Variants in PKD2L2 observed in about 807,000 individuals in gnomAD.
The protein encoded by PKD2L2 is polycystin 2 like 2, transient receptor potential cation channel.
Under a neutral mutation model 83.9 loss-of-function variants are expected in PKD2L2, and 67 were observed. That is an observed-to-expected ratio of 0.80 (90% CI 0.66 to 0.98). The LOEUF is 0.98. PKD2L2 is among the 50% of genes least tolerant of loss of function. The probability of loss-of-function intolerance (pLI) is 0.00; values close to 1 mark genes in which losing one functional copy is unlikely to be tolerated. For synonymous variants in PKD2L2, 223 were observed against 237.8 expected (o/e 0.94, Z 0.57); for missense variants, 632 against 717.2 (o/e 0.88, Z 1.36).
chr5:137,925,697 C>T (rs1247852497), intron 11 of PKD2L2, among the ~76,000 whole-genome samples, 178 bp from the exon 12 acceptor site: 1 of 152,112 alleles, frequency 6.6e-6, no homozygotes, highest in Non-Finnish European at 1.5e-5. Flanking sequence ...ACATTTTTTT[C>T]ACAGTTAATG....
chr5:137,932,000 T>C (rs775454092), intron 12 of PKD2L2, among the ~76,000 whole-genome samples: 4 of 152,066 alleles, frequency 2.6e-5, no homozygotes, highest in Non-Finnish European at 5.9e-5. Context: ...AGCAACAAAG[T>C]AGAAAATGCC....
chr5:137,933,027 A>T (rs1760003791), intron 12 of PKD2L2, among the ~76,000 whole-genome samples: 2 of 148,146 alleles, frequency 1.4e-5, no homozygotes, highest in East Asian at 4.0e-4. Context: ...GCCAATAGAA[A>T]CAGAACAAAA....
chr5:137,916,051 A>C (rs1228132537), intron 8 of PKD2L2, among the ~76,000 whole-genome samples: 2 of 147,566 alleles, frequency 1.4e-5, no homozygotes, highest in African/African-American at 2.5e-5. Context: ...TCTTTTTTTT[A>C]AGAGATGGAG....
intron 14 of PKD2L2, chr5:137,939,778 T>C: frequency 2.8e-6 from 3 of 1,067,478 alleles, no homozygotes; most frequent in Non-Finnish European, 3.5e-6. Flanking sequence ...TTTATAGGCT[T>C]TTCTTTCAAA....
chr5:137,920,201 C>A (rs1362468395), intron 8 of PKD2L2, among the ~76,000 whole-genome samples: 1 of 151,968 alleles, frequency 6.6e-6, no homozygotes, highest in Non-Finnish European at 1.5e-5. Context: ...GAAACACCGT[C>A]TCAAAAAAAA....
At chr5:137,926,509 C>T (rs1460244454) in intron 12 of PKD2L2, among the ~76,000 whole-genome samples, 1 of 152,098 alleles carries the variant, frequency 6.6e-6, no homozygotes, top group African/African-American at 2.4e-5. Context: ...AGGAATTATA[C>T]AAATGGAAAG....
intron 8 of PKD2L2, among the ~76,000 whole-genome samples, chr5:137,911,225 T>A (rs1757808994): frequency 6.6e-6 from 1 of 152,238 alleles, no homozygotes; most frequent in Admixed American, 6.5e-5. Context: ...ATGTTATTTG[T>A]CTTTTTGTGA....
intron 8 of PKD2L2, 141 bp from the exon 9 acceptor site, chr5:137,921,495 C>A: frequency 1.8e-6 from 1 of 551,624 alleles, no homozygotes; most frequent in East Asian, 3.2e-5. Flanking sequence ...CAATTTTACA[C>A]AACTCTGTAC....
At chr5:137,895,843 G>A (rs149893508) in intron 4 of PKD2L2, among the ~76,000 whole-genome samples, 10 of 148,358 alleles carry the variant, frequency 6.7e-5, no homozygotes, top group African/African-American at 1.5e-4. Flanking sequence ...ATGCCACTGC[G>A]CTCTGGCCTG....
chr5:137,899,366 C>T, intron 4 of PKD2L2, 150 bp from the exon 5 acceptor site: 1 of 602,660 alleles, frequency 1.7e-6, no homozygotes, highest in Non-Finnish European at 3.0e-6. Flanking sequence ...ATCCGCCTAC[C>T]TCGGCCTCCC....
intron 12 of PKD2L2, among the ~76,000 whole-genome samples, chr5:137,933,064 A>C (rs1387901029): frequency 2.0e-5 from 3 of 151,660 alleles, no homozygotes; most frequent in Non-Finnish European, 4.4e-5. Context: ...AAAAAAAAAA[A>C]AACCCACGAC....
At chr5:137,922,283 C>T (rs1328821889) in intron 9 of PKD2L2, among the ~76,000 whole-genome samples, 2 of 152,180 alleles carry the variant, frequency 1.3e-5, no homozygotes, top group Admixed American at 1.3e-4. Context: ...TGGTGACAGA[C>T]AAGAGTCTTA....
At chr5:137,917,970 C>A (rs759501826) in intron 8 of PKD2L2, among the ~76,000 whole-genome samples, 5 of 152,110 alleles carry the variant, frequency 3.3e-5, no homozygotes, top group Non-Finnish European at 5.9e-5. Context: ...AGCCTCCTAG[C>A]AGTTTGGGAG....
intron 12 of PKD2L2, among the ~76,000 whole-genome samples, chr5:137,934,177 G>A (rs1056185910): frequency 6.6e-6 from 1 of 152,176 alleles, no homozygotes; most frequent in Non-Finnish European, 1.5e-5. Flanking sequence ...ACAAGGGAAG[G>A]TGGTAGGGCG....
In PKD2L2 at chr5:137,942,462, G is replaced by C. The variant is rs948471576; in HGVS notation, c.*96G>C. 1.9e-5 allele frequency: 4 copies of C among 210,140 alleles called. No homozygotes were observed. The highest frequency in any genetic ancestry group is 4.7e-5 in the African/African-American group (2 of 42,802). 13.0% of individuals were successfully genotyped at this position (210,140 alleles called of 1,614,324 possible). A position where few individuals can be genotyped will look rare whatever the true frequency, so the allele number is the denominator to read the frequency against. ...CAACATCCTCCAAACAGAGAATCAAGTGATCCTCTTGCCTCAGCCTCCCAA... is the reference window on the plus strand; with the variant it reads ...CAACATCCTCCAAACAGAGAATCAACTGATCCTCTTGCCTCAGCCTCCCAA... On this transcript the variant is annotated 3_prime_UTR_variant, in exon 15 of 15. Coordinates refer to ENST00000508883, the MANE Select transcript of PKD2L2 (RefSeq NM_001300921.2).
chr5:137,937,790 G>T (rs890144459), intron 14 of PKD2L2, among the ~76,000 whole-genome samples: 2 of 152,070 alleles, frequency 1.3e-5, no homozygotes, highest in Admixed American at 1.3e-4. Flanking sequence ...GCCTTTCCCT[G>T]TCTTACCATT....
At position 137,926,179 on chromosome 5, in the gene PKD2L2, A is replaced by G. The variant is rs722883; in HGVS notation, c.1671+250A>G. ...CTACAGGTGTACACTCACTGTGTGAATATCACACTGGGTATTCATAGTGAG... is the reference window on the plus strand; with the variant it reads ...CTACAGGTGTACACTCACTGTGTGAGTATCACACTGGGTATTCATAGTGAG... On this transcript the variant is annotated intron_variant, in intron 12 of 14. Coordinates refer to ENST00000508883, the MANE Select transcript of PKD2L2 (RefSeq NM_001300921.2). 0.74 allele frequency among the ~76,000 whole-genome samples: 112,288 copies of G among 152,092 alleles called. 42,117 individuals are homozygous for G. Among genetic ancestry groups the G allele is most frequent in the East Asian group, 0.97 (5,023 of 5,190 alleles).
At chr5:137,919,362 T>G (rs1758681652) in intron 8 of PKD2L2, among the ~76,000 whole-genome samples, 3 of 152,218 alleles carry the variant, frequency 2.0e-5, no homozygotes, top group Admixed American at 2.0e-4. Context: ...GATGAGATTC[T>G]AACCATTCAG....
chr5:137,909,143 T>C (rs1344175870), intron 8 of PKD2L2, among the ~76,000 whole-genome samples, 197 bp downstream of exon 8: 1 of 152,154 alleles, frequency 6.6e-6, no homozygotes, highest in Non-Finnish European at 1.5e-5. Flanking sequence ...GGACTCAAGC[T>C]ATCCTCAGCC....
Sources: gnomAD v4.1 joint callset for allele counts (sites outside exome capture counted in the v4.1 genomes callset) on GRCh38, gnomAD v4.1.1 for gene constraint, MANE v1.5 for transcripts, NCBI Gene and HGNC (gene_info 2026-07-23, HGNC 2026-07-21) for gene names.